The following ATP8A2 variants were observed in gnomAD, a reference collection of about 807,000 sequenced individuals.
The protein encoded by ATP8A2 is phospholipid-transporting ATPase IB.
In ATP8A2, 100 loss-of-function variants were observed where a neutral mutation model predicts 165.6. The observed-to-expected ratio is 0.60, with a 90% CI of 0.51 to 0.71. The LOEUF (loss-of-function observed/expected upper bound fraction) is 0.71, where lower values mean the gene tolerates loss of function less well. Ranked by LOEUF, ATP8A2 falls within the 30% of genes least tolerant of loss-of-function variation. The probability of loss-of-function intolerance (pLI) is 0.00; values close to 1 mark genes in which losing one functional copy is unlikely to be tolerated. For synonymous variants in ATP8A2, 543 were observed against 548.8 expected (o/e 0.99, Z 0.15); for missense variants, 1,227 against 1,479.5 (o/e 0.83, Z 2.80).
At chr13:25,871,816 C>T (rs1241597115) in intron 33 of ATP8A2, among the ~76,000 whole-genome samples, 1 of 152,128 alleles carries the variant, frequency 6.6e-6, no homozygotes, top group African/African-American at 2.4e-5. Context: ...ATCTAGGTCG[C>T]TTGTGTCTGT....
chr13:25,557,723 T>C (rs2039022078), intron 13 of ATP8A2, among the ~76,000 whole-genome samples: 1 of 152,136 alleles, frequency 6.6e-6, no homozygotes, highest in African/African-American at 2.4e-5. Flanking sequence ...ACCTGAATAA[T>C]TTAAGGATTG....
At chr13:25,563,642 G>A (rs1048542940) in intron 15 of ATP8A2, among the ~76,000 whole-genome samples, 14 of 152,274 alleles carry the variant, frequency 9.2e-5, no homozygotes, top group African/African-American at 2.9e-4. Context: ...TTCTCTGGTG[G>A]AAGTGACTCG....
chr13:25,555,371 AT>A (rs1339741132), intron 13 of ATP8A2, among the ~76,000 whole-genome samples: 1 of 152,196 alleles, frequency 6.6e-6, no homozygotes, highest in African/African-American at 2.4e-5. Context: ...TCAGAAGCAA[AT>A]AACGGGGAAA....
chr13:25,897,186 T>C (rs1213124215), intron 33 of ATP8A2, among the ~76,000 whole-genome samples: 3 of 152,202 alleles, frequency 2.0e-5, no homozygotes, highest in Non-Finnish European at 4.4e-5. Context: ...TGTTCCTTTC[T>C]ATGTTTAGTG....
intron 27 of ATP8A2, among the ~76,000 whole-genome samples, chr13:25,814,649 C>T (rs1285574025): frequency 2.2e-5 from 3 of 138,086 alleles, no homozygotes; most frequent in East Asian, 2.1e-4. Flanking sequence ...GTCCTTTCAA[C>T]GAATGAGGCT....
intron 27 of ATP8A2, among the ~76,000 whole-genome samples, chr13:25,791,185 C>A (rs1212541938): frequency 6.6e-6 from 1 of 152,116 alleles, no homozygotes; most frequent in Non-Finnish European, 1.5e-5. Context: ...TACATATACA[C>A]CATGGGATAC....
chr13:25,727,273 A>G (rs1053217296), intron 25 of ATP8A2, among the ~76,000 whole-genome samples: 1 of 152,206 alleles, frequency 6.6e-6, no homozygotes, highest in Non-Finnish European at 1.5e-5. Flanking sequence ...ATTTTTGAAT[A>G]TATTGGAACA....
chr13:25,811,600 C>G (rs1263273290), intron 27 of ATP8A2, among the ~76,000 whole-genome samples: 1 of 152,174 alleles, frequency 6.6e-6, no homozygotes, highest in African/African-American at 2.4e-5. Flanking sequence ...CCTTTAATCA[C>G]AGCACTTTGG....
intron 33 of ATP8A2, among the ~76,000 whole-genome samples, chr13:25,958,462 A>G (rs1483145189): frequency 1.3e-5 from 2 of 152,104 alleles, no homozygotes; most frequent in African/African-American, 4.8e-5. Flanking sequence ...GCCTAGTCTG[A>G]CCCAGGGCAG....
At chr13:25,411,775 G>C (rs752090299) in intron 1 of ATP8A2, among the ~76,000 whole-genome samples, 17 of 152,178 alleles carry the variant, frequency 1.1e-4, no homozygotes, top group Non-Finnish European at 2.2e-4. Flanking sequence ...ACACATAACT[G>C]TGAGTGCAAT....
chr13:25,391,283 A>C (rs1422406602), intron 1 of ATP8A2, among the ~76,000 whole-genome samples: 1 of 152,186 alleles, frequency 6.6e-6, no homozygotes, highest in Non-Finnish European at 1.5e-5. Flanking sequence ...TTCAACCTGC[A>C]GTAATTTCTC....
intron 1 of ATP8A2, among the ~76,000 whole-genome samples, chr13:25,420,833 T>C (rs2034278375): frequency 6.6e-6 from 1 of 152,228 alleles, no homozygotes; most frequent in South Asian, 2.1e-4. Context: ...TCAGTTTCAT[T>C]TGAGTACTCT....
intron 24 of ATP8A2, among the ~76,000 whole-genome samples, chr13:25,638,044 G>T (rs1392668912): frequency 2.0e-5 from 3 of 152,170 alleles, no homozygotes; most frequent in African/African-American, 7.2e-5. Flanking sequence ...GCAGCTGAGG[G>T]TCCTGACTGT....
chr13:25,598,926 GT>G (rs1475426841), intron 24 of ATP8A2, among the ~76,000 whole-genome samples: 1 of 152,118 alleles, frequency 6.6e-6, no homozygotes, highest in Non-Finnish European at 1.5e-5. Context: ...TTCCTACCAA[GT>G]TATAACCTGT....
At chr13:25,846,547 T>C (rs1482169629) in intron 30 of ATP8A2, among the ~76,000 whole-genome samples, 1 of 152,156 alleles carries the variant, frequency 6.6e-6, no homozygotes, top group African/African-American at 2.4e-5. Flanking sequence ...GCGGGGCAGA[T>C]TGTGAGACAC....
intron 30 of ATP8A2, among the ~76,000 whole-genome samples, chr13:25,845,680 C>A (rs1290078852): frequency 6.6e-6 from 1 of 152,198 alleles, no homozygotes; most frequent in Non-Finnish European, 1.5e-5. Flanking sequence ...CTCAGTGTGA[C>A]TCTCTTTTCC....
At chr13:25,614,230 A>T (rs932945899) in intron 24 of ATP8A2, among the ~76,000 whole-genome samples, 1 of 151,706 alleles carries the variant, frequency 6.6e-6, no homozygotes, top group Non-Finnish European at 1.5e-5. Context: ...ATTTTTTTGT[A>T]TTGTTGGATT....
chr13:26,015,133 C>CA (rs962532520), intron 36 of ATP8A2, among the ~76,000 whole-genome samples: 33 of 150,660 alleles, frequency 2.2e-4, no homozygotes, highest in East Asian at 5.8e-4. Context: ...TTTTGAAGGC[C>CA]AAAAAAAAAT....
At chr13:25,414,532 T>C (rs2034077866) in intron 1 of ATP8A2, among the ~76,000 whole-genome samples, 1 of 152,148 alleles carries the variant, frequency 6.6e-6, no homozygotes, top group Middle Eastern at 3.2e-3. Flanking sequence ...CATAATAAAC[T>C]ATATAAGTAA....
Sources: gnomAD v4.1 joint callset for allele counts (sites outside exome capture counted in the v4.1 genomes callset) on GRCh38, gnomAD v4.1.1 for gene constraint, MANE v1.5 for transcripts, NCBI Gene and HGNC (gene_info 2026-07-23, HGNC 2026-07-21) for gene names.